The following NFRKB variants were observed in gnomAD, a reference collection of about 807,000 sequenced individuals.
The protein encoded by NFRKB is nuclear factor related to kappa-B-binding protein.
A neutral mutation model predicts 135.7 loss-of-function variants in NFRKB; 62 were observed. The ratio of observed to expected loss-of-function variants is 0.46; its 90% CI spans 0.37 to 0.56. The LOEUF (loss-of-function observed/expected upper bound fraction) is 0.56. Ranked by LOEUF, NFRKB falls within the 20% of genes least tolerant of loss-of-function variation. The probability of loss-of-function intolerance (pLI) is 0.00; values close to 1 mark genes in which losing one functional copy is unlikely to be tolerated. For synonymous variants in NFRKB, 678 were observed against 635.6 expected (o/e 1.07, Z -1.00); for missense variants, 1,545 against 1,662.0 (o/e 0.93, Z 1.22).
At position 129,882,445 on chromosome 11, in the gene NFRKB, A is replaced by G; in HGVS notation, c.1082+6T>C. The G allele has an allele frequency of 6.2e-7, 1 of 1,612,544 alleles. No homozygotes were observed. The highest frequency in any genetic ancestry group is 8.5e-7 in the Non-Finnish European group (1 of 1,179,486). ...GAGAATTACAGAATCTCTGTTGCTC[A>G]CTTACTCTTCCTTGATAGCAGGAAT... On this transcript the variant is annotated splice_donor_region_variant and intron_variant, in intron 10 of 26. Coordinates refer to ENST00000682444, the MANE Select transcript of NFRKB (RefSeq NM_001143835.2).
At position 129,882,370 on chromosome 11, in the gene NFRKB, C is replaced by T. The variant is rs1281048706; in HGVS notation, c.1082+81G>A. On this transcript the variant is annotated intron_variant, in intron 10 of 26. Coordinates refer to ENST00000682444, the MANE Select transcript of NFRKB (RefSeq NM_001143835.2). ...TACAAGTCCAACATACTTACAGCTA[C>T]GACAAGCCCTAGGGGCCAGGGCACA... 29 of 1,493,836 alleles carry T rather than the reference C, an allele frequency of 1.9e-5. No individual in the cohort carries two copies. The East Asian group carries it at 3.6e-4, about 19-fold the overall frequency. The allele number at this position is 1,493,836 out of a possible 1,614,324, so 92.5% of individuals were successfully genotyped here.
chr11:129,885,681 T>C (rs1237373644), intron 5 of NFRKB, 72 bp from the exon 6 acceptor site: 7 of 1,410,874 alleles, frequency 5.0e-6, no homozygotes, highest in African/African-American at 1.4e-5. Context: ...ACTCTACAAG[T>C]CTACATTTTC....
In NFRKB at chr11:129,888,700, A is replaced by C. The variant is rs1338145551; in HGVS notation, c.231T>G (p.Phe77Leu). 2 of 1,614,214 alleles carry C rather than the reference A, an allele frequency of 1.2e-6. No homozygotes were observed. The highest frequency in any genetic ancestry group is 1.7e-6 in the Non-Finnish European group (2 of 1,180,042). ...REHLQQFLPQFPEDSAEQQNE... is the reference protein window; with the variant it reads ...REHLQQFLPQLPEDSAEQQNE... The stretch of plus-strand genomic sequence containing the variant: ...TCTGCTGCTCAGCACTGTCTTCAGG[A>C]AACTGGGGCAGAAACTGCTGGAGGT... The change falls in exon 4 of 27, where the codon TTT (phenylalanine) becomes TTG (leucine). Residue 77 changes from phenylalanine (F) to leucine (L), a missense_variant. By Grantham distance (22) the Phe-to-Leu change is conservative. Coordinates refer to ENST00000682444, the MANE Select transcript of NFRKB (RefSeq NM_001143835.2).
chr11:129,885,630 G>GGTA (rs1949240988), intron 5 of NFRKB, 21 bp from the exon 6 acceptor site: 2 of 1,587,854 alleles, frequency 1.3e-6, no homozygotes, highest in East Asian at 2.3e-5. Context: ...ATCAGGTGGG[G>GGTA]GTACAAGTCA....
chr11:129,892,585 G>A (rs1392129253), intron 3 of NFRKB, 130 bp downstream of exon 3: 3 of 892,694 alleles, frequency 3.4e-6, no homozygotes, highest in Non-Finnish European at 3.4e-6. Context: ...AAGAGATCAG[G>A]CTGCCTGCAA....
At chr11:129,886,522 GCTTAACATGGTAAACT>G in intron 4 of NFRKB, 78 bp from the exon 5 acceptor site, 1 of 1,318,924 alleles carries the variant, frequency 7.6e-7, no homozygotes, top group Non-Finnish European at 1.1e-6. Context: ...TTGAATGAGT[GCTTAACATGGTAAACT>G]CTGTACCACA....
chr11:129,886,724 G>A (rs373912472), intron 4 of NFRKB, among the ~76,000 whole-genome samples: 1 of 152,212 alleles, frequency 6.6e-6, no homozygotes, highest in African/African-American at 2.4e-5. Flanking sequence ...GGAATATGCA[G>A]GAAGTCCTGC....
In NFRKB at chr11:129,884,768, GA is replaced by G; in HGVS notation, c.718del (p.Ser240GlnfsTer5). ...AVPLRVVPTL[S>X]TTDMKTADKV... Reference sequence around the variant, plus strand: ...ACCTGCAGTTTTCATATCCGTGGTTGAAAGTGTGGGCACCACCCGCAGGGGC... The same window carrying G: ...ACCTGCAGTTTTCATATCCGTGGTTGAAGTGTGGGCACCACCCGCAGGGGC... On this transcript the variant is annotated frameshift_variant, in exon 7 of 27. Coordinates refer to ENST00000682444, the MANE Select transcript of NFRKB (RefSeq NM_001143835.2). LOFTEE classifies it high-confidence loss of function. 1 of 1,614,116 alleles carries G rather than the reference GA, an allele frequency of 6.2e-7. No individual in the cohort carries two copies.
chr11:129,884,700 C>T, intron 7 of NFRKB, 45 bp downstream of exon 7: 1 of 1,608,102 alleles, frequency 6.2e-7, no homozygotes, highest in Non-Finnish European at 8.5e-7. Flanking sequence ...TTCAGGTCTC[C>T]ACCGCAATGT....
chr11:129,880,164 T>TG (rs201701634), intron 13 of NFRKB, among the ~76,000 whole-genome samples: 6,501 of 152,136 alleles, frequency 0.043, 461 homozygotes, highest in African/African-American at 0.15. Context: ...TACTCCAGCC[T>TG]GGGGACAGAG....
chr11:129,891,552 C>G (rs941023883), intron 3 of NFRKB, among the ~76,000 whole-genome samples: 2 of 152,306 alleles, frequency 1.3e-5, no homozygotes, highest in Admixed American at 6.5e-5. Flanking sequence ...GACCCCCAGG[C>G]TGTGATGGAT....
Position 129,864,976 on chromosome 11 carries a change from T to C in NFRKB, c.3764A>G (p.Gln1255Arg), listed in dbSNP as rs770896102. 6.2e-6 allele frequency: 10 copies of C among 1,613,456 alleles called. No homozygotes were observed. The highest frequency in any genetic ancestry group is 1.7e-5 in the Admixed American group (1 of 60,026). ...QQLQQLQQQG[Q>R]ATQVRIQTVP... ...TGCCCTGGGCCTTACCTGTGTGGCC[T>C]GACCTTGCTGCTGAAGCTGCTGCAA... Residue 1255 changes from glutamine to arginine, a missense_variant, in exon 26 of 27, where the codon CAG becomes CGG. Gln to Arg is a conservative substitution (Grantham distance 43, BLOSUM62 1). Around this residue, in one of 3 missense-constraint regions of NFRKB, gnomAD observed 753 missense variants for 804.3 expected, o/e 0.94. Transcript: ENST00000682444.
chr11:129,880,624 T>G (rs761092582), intron 13 of NFRKB, among the ~76,000 whole-genome samples: 4 of 152,182 alleles, frequency 2.6e-5, no homozygotes, highest in Non-Finnish European at 5.9e-5. Flanking sequence ...ATTCCTATTA[T>G]CATAAACCCC....
intron 23 of NFRKB, among the ~76,000 whole-genome samples, chr11:129,870,710 G>A (rs973783535): frequency 6.6e-6 from 1 of 152,122 alleles, no homozygotes; most frequent in South Asian, 2.1e-4. Context: ...GGGACTACAG[G>A]TGTACAACTG....
At position 129,884,045 on chromosome 11, in the gene NFRKB, C is replaced by T. The variant is rs75298673; in HGVS notation, c.816+25G>A. 3,826 of 1,613,002 alleles carry T rather than the reference C, an allele frequency of 2.4e-3. 81 individuals carry two copies. The African/African-American group carries it at 0.046, about 19-fold the overall frequency. On this transcript the variant is annotated intron_variant, in intron 8 of 26. Coordinates refer to ENST00000682444, the MANE Select transcript of NFRKB (RefSeq NM_001143835.2). ...CTGAGACATCAGGCTGAAAACCACA[C>T]GGCCGCACGCCCTTCCCATCTTACT... is the stretch of plus-strand genomic sequence containing the variant.
At chr11:129,893,389 CAAAAAA>C (rs375172554) in intron 2 of NFRKB, 28 of 115,862 alleles carry the variant, frequency 2.4e-4, no homozygotes, top group Non-Finnish European at 3.1e-4. Flanking sequence ...CCCTTCTCTA[CAAAAAA>C]AAAAAAAAAA....
In NFRKB at chr11:129,885,428, C is replaced by A; in HGVS notation, c.640+7G>T. On this transcript the variant is annotated splice_region_variant and intron_variant, in intron 6 of 26. Transcript: ENST00000682444. ...CCCAGCTACCCCAAGTGCCCGAGGACACTCACCCTCTTCATCAGATGACAG... is the reference window on the plus strand; with the variant it reads ...CCCAGCTACCCCAAGTGCCCGAGGAAACTCACCCTCTTCATCAGATGACAG... 6.3e-7 allele frequency: 1 copy of A among 1,598,832 alleles called. No individual in the cohort carries two copies. Among genetic ancestry groups the A allele is most frequent in the Non-Finnish European group, 8.6e-7 (1 of 1,168,148 alleles).
chr11:129,876,992 A>C, intron 16 of NFRKB, 97 bp from the exon 17 acceptor site: 3 of 1,179,662 alleles, frequency 2.5e-6, no homozygotes, highest in Non-Finnish European at 3.6e-6. Flanking sequence ...GGAACAATTA[A>C]AACAGGAAGG....
intron 24 of NFRKB, among the ~76,000 whole-genome samples, chr11:129,867,756 G>A (rs191796784): frequency 1.7e-4 from 26 of 152,254 alleles, no homozygotes; most frequent in Admixed American, 1.6e-3. Flanking sequence ...TCAGTAAAGC[G>A]AAACTGTATT....
Sources: gnomAD v4.1 joint callset for allele counts (sites outside exome capture counted in the v4.1 genomes callset) on GRCh38, gnomAD v4.1.1 for gene constraint, gnomAD v4.1.1 regional missense constraint, MANE v1.5 for transcripts, NCBI Gene and HGNC (gene_info 2026-07-23, HGNC 2026-07-21) for gene names.